The following PRMT7 variants were observed in gnomAD, a reference collection of about 807,000 sequenced individuals.
The protein encoded by PRMT7 is protein arginine methyltransferase 7, also known as protein arginine N-methyltransferase 7.
Under a neutral mutation model 85.4 loss-of-function variants are expected in PRMT7, and 75 were observed. The ratio of observed to expected loss-of-function variants is 0.88; its 90% confidence interval spans 0.73 to 1.06. The LOEUF is 1.06. PRMT7 is among the 50% of genes least tolerant of loss of function. The pLI is 0.00. For synonymous variants in PRMT7, 397 were observed against 359.5 expected, an observed-to-expected ratio of 1.10 and a Z score of -1.18; for missense variants, 868 against 915.2, an observed-to-expected ratio of 0.95 and a Z score of 0.67.
chr16:68,345,683 C>T lies in PRMT7; in HGVS notation c.936C>T (p.Asp312=). The T allele has an allele frequency of 6.2e-7, 1 of 1,611,676 alleles. No individual in the cohort carries two copies. Among genetic ancestry groups the T allele is most frequent in the Non-Finnish European group, 8.5e-7 (1 of 1,179,858 alleles). ...TCTGTTCTCCGTTTCAGTGGCGGGA[C>T]CACTGGATGCAGTGTGTGTACTTCC... is the stretch of plus-strand genomic sequence containing the variant. The part of the protein sequence containing the change: ...HSDPEEMQWR[D]HWMQCVYFLP... Residue 312 remains aspartate (D), a synonymous_variant, in exon 10 of 19, where the codon GAC becomes GAT. Coordinates refer to ENST00000441236, the MANE Select transcript of PRMT7 (RefSeq NM_019023.5).
At chr16:68,350,456 T>G (rs757990900) in intron 14 of PRMT7, among the ~76,000 whole-genome samples, 4 of 152,008 alleles carry the variant, frequency 2.6e-5, no homozygotes, top group Non-Finnish European at 4.4e-5. Context: ...AGCATAACCA[T>G]ATTAATGGGA....
chr16:68,353,546 A>G lies in PRMT7; in HGVS notation c.1630A>G (p.Ile544Val). The G allele has an allele frequency of 6.3e-7, 1 of 1,591,608 alleles. No individual in the cohort carries two copies. The highest frequency in any genetic ancestry group is 8.6e-7 in the Non-Finnish European group (1 of 1,169,584). The stretch of plus-strand genomic sequence containing the variant: ...TGACTGCGAAGGCTTCGACGTGCAC[A>G]TCATGGACGACATGATTAAGGTAGG... ...CGDCEGFDVHIMDDMIKRALD... is the reference protein window; with the variant it reads ...CGDCEGFDVHVMDDMIKRALD... The change falls in exon 16 of 19, where the codon ATC becomes GTC. Residue 544 changes from isoleucine (I) to valine (V), a missense_variant. Ile to Val is a conservative substitution (Grantham distance 29, BLOSUM62 3). Coordinates refer to ENST00000441236, the MANE Select transcript of PRMT7 (RefSeq NM_019023.5).
In PRMT7 at chr16:68,334,618, C is replaced by T. The variant is rs140334749; in HGVS notation, c.392-2841C>T. On this transcript the variant is annotated intron_variant, in intron 6 of 18. Coordinates refer to ENST00000441236, the MANE Select transcript of PRMT7 (RefSeq NM_019023.5). Reference sequence around the variant, plus strand: ...TGTGGAGAGCCAACCCAGGGAGCAGCGTGTGTTCATCCGTCCATTTTGTTC... The same window carrying T: ...TGTGGAGAGCCAACCCAGGGAGCAGTGTGTGTTCATCCGTCCATTTTGTTC... Among the ~76,000 whole-genome samples, 694 of 152,194 alleles carry T rather than the reference C, an allele frequency of 4.6e-3. 6 individuals carry two copies. Among genetic ancestry groups the T allele is most frequent in the Non-Finnish European group, 7.9e-3 (538 of 68,010 alleles).
chr16:68,355,912 G>T, intron 17 of PRMT7, 29 bp downstream of exon 17: 1 of 1,530,264 alleles, frequency 6.5e-7, no homozygotes, highest in Non-Finnish European at 8.8e-7. Flanking sequence ...GGGGGGCAGG[G>T]AGGGGCTGCT....
Position 68,333,657 on chromosome 16 carries a change from C to T in PRMT7, c.392-3802C>T, listed in dbSNP as rs768697311. Among the ~76,000 whole-genome samples the T allele has an allele frequency of 6.1e-4, 92 of 152,030 alleles. 2 individuals are homozygous for T. Among genetic ancestry groups the T allele is most frequent in the Non-Finnish European group, 4.3e-4 (29 of 68,032 alleles). The stretch of plus-strand genomic sequence containing the variant: ...ATTCTTGAAAATTTATCCATTTTGA[C>T]GGCAGGGAGACTGATCTGCAGGGCA... On this transcript the variant is annotated intron_variant, in intron 6 of 18. Coordinates refer to ENST00000441236, the MANE Select transcript of PRMT7 (RefSeq NM_019023.5).
intron 7 of PRMT7, among the ~76,000 whole-genome samples, chr16:68,338,088 T>A (rs1051223179): frequency 6.6e-6 from 1 of 152,016 alleles, no homozygotes; most frequent in African/African-American, 2.4e-5. Context: ...GAAGGTGGGG[T>A]GGCATCACAG....
In PRMT7 at chr16:68,346,043, T is replaced by C. The variant is rs2086308304; in HGVS notation, c.1056-102T>C. 3 of 1,549,728 alleles carry C rather than the reference T, an allele frequency of 1.9e-6. No homozygotes were observed. The South Asian group carries it at 3.4e-5, about 18-fold the overall frequency. On this transcript the variant is annotated intron_variant, in intron 10 of 18. Coordinates refer to ENST00000441236, the MANE Select transcript of PRMT7 (RefSeq NM_019023.5). ...AAAAGTCTGGAATTAGCGGGTGCTC[T>C]AAGCCCTCATGCCTACTGGAGACCA...
chr16:68,317,237 C>CAGA (rs1555541765), intron 3 of PRMT7, among the ~76,000 whole-genome samples: 2 of 104,160 alleles, frequency 1.9e-5, no homozygotes, highest in Admixed American at 1.1e-4. Context: ...GACTCTGTCT[C>CAGA]AAAAAAAAAA....
At chr16:68,353,291 G>A in intron 15 of PRMT7, 1 of 1,190,010 alleles carries the variant, frequency 8.4e-7, no homozygotes, top group Non-Finnish European at 1.1e-6. Flanking sequence ...GGACTCAGGT[G>A]TCACGTCAGA....
intron 17 of PRMT7, 132 bp downstream of exon 17, chr16:68,356,015 G>A (rs890334082): frequency 2.9e-6 from 3 of 1,040,084 alleles, no homozygotes; most frequent in Non-Finnish European, 3.9e-6. Context: ...CCACAACCTT[G>A]CCCTTCCCTG....
intron 4 of PRMT7, among the ~76,000 whole-genome samples, chr16:68,322,030 C>T (rs1459422973): frequency 6.6e-6 from 1 of 151,856 alleles, no homozygotes; most frequent in Admixed American, 6.6e-5. Context: ...TCACTGCAGC[C>T]TCAGTCTCCC....
At chr16:68,314,493 A>G (rs1466116431) in intron 2 of PRMT7, among the ~76,000 whole-genome samples, 2 of 152,228 alleles carry the variant, frequency 1.3e-5, no homozygotes, top group Non-Finnish European at 2.9e-5. Flanking sequence ...TGGCCTCCCA[A>G]AGTGCTGGGA....
At chr16:68,313,107 G>C (rs539312729) in intron 2 of PRMT7, among the ~76,000 whole-genome samples, 8 of 152,340 alleles carry the variant, frequency 5.3e-5, no homozygotes, top group African/African-American at 1.4e-4. Context: ...TTATAGGCGT[G>C]AGTCACCGTG....
chr16:68,340,871 G>A (rs1451038339), intron 9 of PRMT7, among the ~76,000 whole-genome samples: 1 of 152,206 alleles, frequency 6.6e-6, no homozygotes, highest in Non-Finnish European at 1.5e-5. Context: ...CTTTCAGTGG[G>A]TGAGGTAGCT....
At chr16:68,326,065 A>T (rs2151503489) in intron 5 of PRMT7, among the ~76,000 whole-genome samples, 1 of 152,332 alleles carries the variant, frequency 6.6e-6, no homozygotes, top group African/African-American at 2.4e-5. Context: ...TCATAAAACA[A>T]ATAATGCATA....
intron 14 of PRMT7, among the ~76,000 whole-genome samples, chr16:68,350,033 A>G (rs8061122): frequency 0.074 from 11,257 of 152,306 alleles, 631 homozygotes; most frequent in Middle Eastern, 0.15. Context: ...CTCTTCTGGC[A>G]TATCTCAAAA....
chr16:68,356,707 G>A lies in PRMT7; in HGVS notation c.1818G>A (p.Gly606=). The part of the protein sequence containing the change: ...AEGTVELRRP[G]QSHAAVLWME... ...GCCCCCCTCTCCTTGACAGGCCCGGGCAGAGCCACGCAGCGGTGCTATGGA... is the reference window on the plus strand; with the variant it reads ...GCCCCCCTCTCCTTGACAGGCCCGGACAGAGCCACGCAGCGGTGCTATGGA... The change falls in exon 18 of 19, where the codon GGG becomes GGA. Residue 606 remains glycine (G), a synonymous_variant. Transcript: ENST00000441236. 1 of 1,611,716 alleles carries A rather than the reference G, an allele frequency of 6.2e-7. No individual in the cohort carries two copies. The highest frequency in any genetic ancestry group is 8.5e-7 in the Non-Finnish European group (1 of 1,179,600).
intron 3 of PRMT7, 65 bp from the exon 4 acceptor site, chr16:68,321,357 TTATA>T (rs759903957): frequency 3.8e-4 from 482 of 1,256,024 alleles, no homozygotes; most frequent in Non-Finnish European, 5.3e-4. Flanking sequence ...AGCAATGTGT[TTATA>T]TATGTGAATA....
intron 7 of PRMT7, among the ~76,000 whole-genome samples, chr16:68,338,464 A>G (rs185841801): frequency 6.6e-6 from 1 of 152,110 alleles, no homozygotes; most frequent in East Asian, 1.9e-4. Context: ...AAAGAGGCCC[A>G]GAGATGCATG....
Sources: allele counts gnomAD v4.1 joint callset (sites outside exome capture counted in the v4.1 genomes callset), GRCh38; gene constraint gnomAD v4.1.1; transcripts MANE v1.5; gene names NCBI Gene and HGNC (gene_info 2026-07-23, HGNC 2026-07-21).